Variants in CNTN5 observed in about 807,000 individuals in gnomAD.
CNTN5 encodes contactin-5.
A neutral mutation model predicts 129.1 loss-of-function variants in CNTN5; 77 were observed. The ratio of observed to expected loss-of-function variants is 0.60; its 90% CI spans 0.50 to 0.72. The LOEUF is 0.72. Among genes scored for constraint, CNTN5 ranks in the 30% least tolerant of loss-of-function variants. CNTN5 has a pLI of 0.00. For synonymous variants in CNTN5, 509 were observed against 465.6 expected (o/e 1.09, Z -1.20); for missense variants, 1,478 against 1,328.8 (o/e 1.11, Z -1.75).
At chr11:100,067,592 C>T (rs906789117) in intron 10 of CNTN5, among the ~76,000 whole-genome samples, 1 of 151,792 alleles carries the variant, frequency 6.6e-6, no homozygotes, top group Non-Finnish European at 1.5e-5. Flanking sequence ...GTGTTCAAAG[C>T]AACAAAATAT....
At chr11:100,235,448 G>C (rs887065206) in intron 16 of CNTN5, among the ~76,000 whole-genome samples, 8 of 152,160 alleles carry the variant, frequency 5.3e-5, no homozygotes, top group Non-Finnish European at 8.8e-5. Flanking sequence ...GGCAGAGGGC[G>C]AGGAGTATGC....
At chr11:99,670,958 C>T (rs1273633621) in intron 3 of CNTN5, among the ~76,000 whole-genome samples, 1 of 152,122 alleles carries the variant, frequency 6.6e-6, no homozygotes, top group Non-Finnish European at 1.5e-5. Context: ...ACTGTTGTTT[C>T]CCTTATTCTG....
At chr11:99,872,174 T>G (rs2135815990) in intron 6 of CNTN5, among the ~76,000 whole-genome samples, 1 of 152,214 alleles carries the variant, frequency 6.6e-6, no homozygotes, top group African/African-American at 2.4e-5. Context: ...AGTGTCCACC[T>G]GTTTTTATAA....
chr11:99,589,929 G>T (rs989031432), intron 3 of CNTN5, among the ~76,000 whole-genome samples: 1 of 152,156 alleles, frequency 6.6e-6, no homozygotes, highest in Admixed American at 6.5e-5. Flanking sequence ...GTGTCATATT[G>T]TATGCAGTGC....
At chr11:99,501,535 G>A (rs1946427264) in intron 2 of CNTN5, among the ~76,000 whole-genome samples, 1 of 152,158 alleles carries the variant, frequency 6.6e-6, no homozygotes, top group Non-Finnish European at 1.5e-5. Context: ...CTGGCATCAG[G>A]CAAGATGCTG....
intron 6 of CNTN5, among the ~76,000 whole-genome samples, chr11:99,871,511 A>AT (rs1394629480): frequency 6.6e-6 from 1 of 152,050 alleles, no homozygotes; most frequent in Non-Finnish European, 1.5e-5. Context: ...GATCATGATG[A>AT]TAACAAACAC....
At chr11:99,975,767 A>G (rs765408211) in intron 8 of CNTN5, among the ~76,000 whole-genome samples, 20 of 152,068 alleles carry the variant, frequency 1.3e-4, no homozygotes, top group Non-Finnish European at 2.9e-4. Context: ...ACAATTTGAG[A>G]TGAGATTTGG....
At chr11:99,726,529 C>G (rs1282128274) in intron 3 of CNTN5, among the ~76,000 whole-genome samples, 1 of 152,100 alleles carries the variant, frequency 6.6e-6, no homozygotes, top group African/African-American at 2.4e-5. Flanking sequence ...AAGCTAAACT[C>G]TATGTAATAA....
chr11:99,921,224 C>T (rs1230425200), intron 7 of CNTN5, among the ~76,000 whole-genome samples: 2 of 152,128 alleles, frequency 1.3e-5, no homozygotes, highest in African/African-American at 4.8e-5. Context: ...AGCCAAAGTC[C>T]CTACCATCGC....
intron 2 of CNTN5, among the ~76,000 whole-genome samples, chr11:99,471,100 G>A (rs79132980): frequency 6.4e-4 from 96 of 150,698 alleles, no homozygotes; most frequent in African/African-American, 2.0e-3. Flanking sequence ...AAACTTTCCA[G>A]ATATATTTTT....
At position 100,191,155 on chromosome 11, in the gene CNTN5, G is replaced by A. The variant is rs751210022; in HGVS notation, c.1610G>A (p.Arg537Gln). ...GCTATTCTTCCAGACGGGAGTCTACGGATCCTAAATGCTTCCAAATCAGAC... is the reference window on the plus strand; with the variant it reads ...GCTATTCTTCCAGACGGGAGTCTACAGATCCTAAATGCTTCCAAATCAGAC... ...RIAILPDGSL[R>Q]ILNASKSDEG... Residue 537 changes from arginine (R) to glutamine (Q), a missense_variant, in exon 14 of 25, where the codon CGG (arginine) becomes CAG (glutamine). Physicochemically the swap from Arg to Gln is conservative, Grantham distance 43. Transcript: ENST00000524871. 5.0e-6 allele frequency: 8 copies of A among 1,609,192 alleles called. No homozygotes were observed. In the South Asian group the frequency reaches 6.6e-5, roughly 13 times the overall value.
chr11:99,183,995 A>G lies in CNTN5; in HGVS notation c.-209-141351A>G, dbSNP rs548100208. On this transcript the variant is annotated intron_variant, in intron 1 of 24. Coordinates refer to ENST00000524871, the MANE Select transcript of CNTN5 (RefSeq NM_014361.4). Reference sequence around the variant, plus strand: ...AAGACTTACAAATTTTACTTATCTGATATTTCTTGAACCTGTCCATGCAGC... The same window carrying G: ...AAGACTTACAAATTTTACTTATCTGGTATTTCTTGAACCTGTCCATGCAGC... 2.6e-5 allele frequency among the ~76,000 whole-genome samples: 4 copies of G among 151,950 alleles called. No individual in the cohort carries two copies. The East Asian group carries it at 7.7e-4, about 29-fold the overall frequency.
intron 2 of CNTN5, among the ~76,000 whole-genome samples, chr11:99,499,476 C>T (rs575666597): frequency 1.7e-4 from 26 of 152,218 alleles, no homozygotes; most frequent in African/African-American, 4.8e-4. Context: ...CAGCCCTCAC[C>T]GGACAACTGA....
intron 8 of CNTN5, among the ~76,000 whole-genome samples, chr11:99,978,511 C>T (rs1938136287): frequency 2.0e-5 from 3 of 152,066 alleles, no homozygotes; most frequent in African/African-American, 4.8e-5. Flanking sequence ...TACAGGTGTA[C>T]CATTGTTATT....
At chr11:100,195,598 T>C (rs1948617399) in intron 15 of CNTN5, among the ~76,000 whole-genome samples, 1 of 151,806 alleles carries the variant, frequency 6.6e-6, no homozygotes, top group Admixed American at 6.6e-5. Context: ...AACTCTGAGA[T>C]AGAAGAAGAA....
intron 1 of CNTN5, among the ~76,000 whole-genome samples, chr11:99,144,602 G>A (rs1316679631): frequency 1.3e-5 from 2 of 151,976 alleles, no homozygotes; most frequent in Non-Finnish European, 2.9e-5. Flanking sequence ...ATGTCACATA[G>A]GCTTTCTTAA....
chr11:99,991,669 C>T (rs1939106926), intron 8 of CNTN5, among the ~76,000 whole-genome samples: 1 of 152,186 alleles, frequency 6.6e-6, no homozygotes, highest in South Asian at 2.1e-4. Context: ...TTAATTCTGT[C>T]TTAATTGGCT....
At chr11:99,920,916 T>C (rs907150976) in intron 7 of CNTN5, among the ~76,000 whole-genome samples, 3 of 152,156 alleles carry the variant, frequency 2.0e-5, no homozygotes, top group African/African-American at 4.8e-5. Context: ...GGGCTTTTTT[T>C]TAGTTTTATA....
At chr11:99,328,021 A>G (rs745637044) in intron 2 of CNTN5, among the ~76,000 whole-genome samples, 94 of 152,186 alleles carry the variant, frequency 6.2e-4, no homozygotes, top group Non-Finnish European at 1.1e-3. Context: ...TCTAAGTATC[A>G]ATGTATGCAT....
Sources: gnomAD v4.1 joint callset for allele counts (sites outside exome capture counted in the v4.1 genomes callset) on GRCh38, gnomAD v4.1.1 for gene constraint, MANE v1.5 for transcripts, NCBI Gene and HGNC (gene_info 2026-07-23, HGNC 2026-07-21) for gene names.